Variants in ESRRG observed in about 807,000 individuals in gnomAD.
ESRRG encodes the protein estrogen related receptor gamma, also known as estrogen-related receptor gamma.
A neutral mutation model predicts 44.0 loss-of-function variants in ESRRG; 13 were observed. That is an observed-to-expected ratio of 0.30 (90% confidence interval 0.19 to 0.47). The LOEUF (loss-of-function observed/expected upper bound fraction) is 0.47. Ranked by LOEUF, ESRRG falls within the 20% of genes least tolerant of loss-of-function variation. ESRRG has a pLI of 1.00. For missense variants in ESRRG, 395 were observed against 580.6 expected, an observed-to-expected ratio of 0.68 and a Z score of 3.29; for synonymous variants, 215 against 214.6, an observed-to-expected ratio of 1.00 and a Z score of -0.02.
intron 1 of ESRRG, among the ~76,000 whole-genome samples, chr1:217,130,173 C>G (rs920265022): frequency 2.6e-5 from 4 of 152,078 alleles, no homozygotes; most frequent in Non-Finnish European, 5.9e-5. Flanking sequence ...ATCATTTGCC[C>G]TTTGATCTTG....
intron 1 of ESRRG, among the ~76,000 whole-genome samples, chr1:216,985,064 G>T (rs1466462846): frequency 6.6e-6 from 1 of 152,212 alleles, no homozygotes; most frequent in Non-Finnish European, 1.5e-5. Flanking sequence ...GGGTTTGCCA[G>T]TATGGAACCC....
At position 216,566,064 on chromosome 1, in the gene ESRRG, G is replaced by C. The variant is rs749224072; in HGVS notation, c.701-1684C>G. Reference sequence around the variant, plus strand: ...TTGACACGAGAGGTCAGAGAAATTTGGTTGAAGCTTAGAAATTCCCATCAT... The same window carrying C: ...TTGACACGAGAGGTCAGAGAAATTTCGTTGAAGCTTAGAAATTCCCATCAT... On this transcript the variant is annotated intron_variant, in intron 4 of 6. Transcript: ENST00000408911. Among the ~76,000 whole-genome samples, 6 of 151,900 alleles carry C rather than the reference G, an allele frequency of 3.9e-5. No homozygotes were observed. The East Asian group carries it at 1.2e-3, about 29-fold the overall frequency.
chr1:216,572,367 A>G (rs571307733), intron 3 of ESRRG, among the ~76,000 whole-genome samples: 2 of 152,272 alleles, frequency 1.3e-5, no homozygotes, highest in African/African-American at 4.8e-5. Context: ...AAAACAGTCC[A>G]AAATATGTAT....
At chr1:217,007,975 G>C (rs1442271769) in intron 1 of ESRRG, among the ~76,000 whole-genome samples, 1 of 152,180 alleles carries the variant, frequency 6.6e-6, no homozygotes, top group African/African-American at 2.4e-5. Flanking sequence ...GGGATCCACA[G>C]ACATCAGATC....
chr1:216,560,243 C>T (rs906300332), intron 5 of ESRRG, among the ~76,000 whole-genome samples: 1 of 152,010 alleles, frequency 6.6e-6, no homozygotes, highest in Non-Finnish European at 1.5e-5. Context: ...GATATCATTA[C>T]AATAGAGATC....
chr1:216,644,427 C>CT (rs71161439), intron 3 of ESRRG, among the ~76,000 whole-genome samples: 78,056 of 128,366 alleles, frequency 0.61, 24,754 homozygotes, highest in African/African-American at 0.77. Flanking sequence ...TTCTTTCTTT[C>CT]TTTTTTTTTT....
At chr1:216,632,771 G>T (rs2150730735) in intron 3 of ESRRG, among the ~76,000 whole-genome samples, 1 of 152,052 alleles carries the variant, frequency 6.6e-6, no homozygotes, top group South Asian at 2.1e-4. Flanking sequence ...AAAAAAAAGT[G>T]GGGAGGTTCC....
At chr1:217,003,548 G>T (rs1317980802) in intron 1 of ESRRG, among the ~76,000 whole-genome samples, 3 of 139,468 alleles carry the variant, frequency 2.2e-5, no homozygotes, top group African/African-American at 8.7e-5. Context: ...CTAATATTAG[G>T]CTTGAAATAT....
At chr1:216,762,392 C>A (rs1465678951) in intron 2 of ESRRG, among the ~76,000 whole-genome samples, 1 of 151,916 alleles carries the variant, frequency 6.6e-6, no homozygotes, top group Non-Finnish European at 1.5e-5. Context: ...ATGATGAGTT[C>A]ATGTCCTTTG....
chr1:216,751,715 C>T (rs1057362940), intron 2 of ESRRG, among the ~76,000 whole-genome samples: 3 of 152,166 alleles, frequency 2.0e-5, no homozygotes, highest in Non-Finnish European at 4.4e-5. Context: ...CCTAGATAAC[C>T]TGTCCCTTCG....
At chr1:217,072,012 A>C (rs1458096676) in intron 1 of ESRRG, among the ~76,000 whole-genome samples, 5 of 152,260 alleles carry the variant, frequency 3.3e-5, no homozygotes, top group Non-Finnish European at 4.4e-5. Context: ...GTAATAAAGT[A>C]CTGGAGCCTG....
intron 2 of ESRRG, among the ~76,000 whole-genome samples, chr1:216,921,397 ACT>A (rs1291079337): frequency 4.6e-5 from 7 of 152,110 alleles, no homozygotes; most frequent in African/African-American, 1.7e-4. Flanking sequence ...TACTGCCAAG[ACT>A]CTGTCTAAAA....
chr1:216,730,305 T>TAAAAAAAAAAA (rs11445965), intron 2 of ESRRG, among the ~76,000 whole-genome samples: 9 of 121,356 alleles, frequency 7.4e-5, no homozygotes, highest in African/African-American at 1.2e-4. Flanking sequence ...CTTAGAAAGG[T>TAAAAAAAAAAA]AAAAAAAAAA....
chr1:216,821,015 C>T (rs139629683), intron 2 of ESRRG, among the ~76,000 whole-genome samples: 2 of 152,184 alleles, frequency 1.3e-5, no homozygotes, highest in African/African-American at 2.4e-5. Context: ...AACTACATTA[C>T]GAAGTTTTCA....
At chr1:216,520,583 T>C (rs2045786909) in intron 5 of ESRRG, among the ~76,000 whole-genome samples, 1 of 152,144 alleles carries the variant, frequency 6.6e-6, no homozygotes, top group African/African-American at 2.4e-5. Flanking sequence ...TACCTGATGA[T>C]CAGAAGCTTT....
At chr1:216,987,758 T>A (rs932845214) in intron 1 of ESRRG, among the ~76,000 whole-genome samples, 1 of 152,132 alleles carries the variant, frequency 6.6e-6, no homozygotes, top group South Asian at 2.1e-4. Flanking sequence ...CACCTAAAAC[T>A]TTTTTGCTCA....
intron 5 of ESRRG, among the ~76,000 whole-genome samples, chr1:216,560,088 T>A (rs1356801800): frequency 2.0e-5 from 3 of 152,206 alleles, no homozygotes; most frequent in Non-Finnish European, 4.4e-5. Context: ...TTGGTTTATG[T>A]GGCTTAGATT....
chr1:216,950,674 G>A (rs962970564), intron 1 of ESRRG, among the ~76,000 whole-genome samples: 16 of 152,112 alleles, frequency 1.1e-4, no homozygotes, highest in Admixed American at 5.9e-4. Flanking sequence ...TTTGCTGACT[G>A]TCCTATATTT....
chr1:216,968,296 T>A (rs1413702480), intron 1 of ESRRG, among the ~76,000 whole-genome samples: 1 of 152,096 alleles, frequency 6.6e-6, no homozygotes, highest in Non-Finnish European at 1.5e-5. Flanking sequence ...ATCTAAAGAG[T>A]CATTGGCATA....
Sources: gnomAD v4.1 joint callset for allele counts (sites outside exome capture counted in the v4.1 genomes callset) on GRCh38, gnomAD v4.1.1 for gene constraint, MANE v1.5 for transcripts, NCBI Gene and HGNC (gene_info 2026-07-23, HGNC 2026-07-21) for gene names.